Variants in TMCC1 observed in about 807,000 individuals in gnomAD.
The protein encoded by TMCC1 is transmembrane and coiled-coil domain family 1, also known as transmembrane and coiled-coil domains protein 1.
A neutral mutation model predicts 52.4 loss-of-function variants in TMCC1; 15 were observed. That is an observed-to-expected ratio of 0.29 (90% confidence interval 0.19 to 0.44). TMCC1 has a LOEUF of 0.44. TMCC1 is among the 20% of genes least tolerant of loss of function. The pLI is 1.00. For synonymous variants in TMCC1, 279 were observed against 301.9 expected (o/e 0.92, Z 0.79); for missense variants, 503 against 806.0 (o/e 0.62, Z 4.55).
chr3:129,721,951 C>T (rs1400537209), intron 4 of TMCC1, among the ~76,000 whole-genome samples: 1 of 152,176 alleles, frequency 6.6e-6, no homozygotes, highest in Non-Finnish European at 1.5e-5. Flanking sequence ...CTATCTATAG[C>T]AGTTTTATGT....
At chr3:129,701,441 T>C (rs574469125) in intron 4 of TMCC1, among the ~76,000 whole-genome samples, 1 of 152,318 alleles carries the variant, frequency 6.6e-6, no homozygotes, top group East Asian at 1.9e-4. Flanking sequence ...CAGCTCTCTT[T>C]ATGTAAAAGC....
chr3:129,786,888 T>C (rs1188725082), intron 4 of TMCC1, among the ~76,000 whole-genome samples: 1 of 152,228 alleles, frequency 6.6e-6, no homozygotes, highest in Non-Finnish European at 1.5e-5. Context: ...TCAAGTGAGC[T>C]TATGATTAAC....
chr3:129,653,407 AC>A (rs2108842150), intron 6 of TMCC1, among the ~76,000 whole-genome samples: 1 of 152,334 alleles, frequency 6.6e-6, no homozygotes, highest in South Asian at 2.1e-4. Flanking sequence ...TAAAGAGGAC[AC>A]TATGCCCACA....
intron 2 of TMCC1, among the ~76,000 whole-genome samples, chr3:129,877,917 T>C (rs2061295991): frequency 1.3e-5 from 2 of 151,662 alleles, no homozygotes; most frequent in Admixed American, 6.6e-5. Context: ...ATTACAGGCG[T>C]GAGCCACCGT....
rs10656814 is a variant in TMCC1, at chr3:129,785,560, T to TACAC, written c.576+42239_576+42242dup. Among the ~76,000 whole-genome samples, 692 of 146,162 alleles carry TACAC rather than the reference T, an allele frequency of 4.7e-3. 7 individuals carry two copies. The East Asian group carries it at 0.049, about 10-fold the overall frequency. The stretch of plus-strand genomic sequence containing the variant: ...CTAGTTTCCTAAGTCTCAATATACA[T>TACAC]ACACACACACACACACACACACACA... On this transcript the variant is annotated intron_variant, in intron 4 of 6. Coordinates refer to ENST00000393238, the MANE Select transcript of TMCC1 (RefSeq NM_001017395.5).
intron 4 of TMCC1, among the ~76,000 whole-genome samples, chr3:129,759,710 C>CTTTTTTTTTTTTTTTTTT (rs61519484): frequency 2.7e-5 from 1 of 37,222 alleles, no homozygotes; most frequent in African/African-American, 1.1e-4. Context: ...GCCAGCCAAA[C>CTTTTTTTTTTTTTTTTTT]TTTTTTTTTT....
At chr3:129,761,800 C>T (rs1231779178) in intron 4 of TMCC1, among the ~76,000 whole-genome samples, 4 of 151,884 alleles carry the variant, frequency 2.6e-5, no homozygotes, top group East Asian at 3.9e-4. Flanking sequence ...AGAGCAGCCT[C>T]GCCAACGTGG....
intron 4 of TMCC1, among the ~76,000 whole-genome samples, chr3:129,821,693 C>T (rs1479229600): frequency 6.6e-6 from 1 of 152,126 alleles, no homozygotes; most frequent in African/African-American, 2.4e-5. Flanking sequence ...ATTATGGGCC[C>T]TGTTTTCCAT....
At chr3:129,766,518 A>G (rs147771613) in intron 4 of TMCC1, among the ~76,000 whole-genome samples, 178 of 152,346 alleles carry the variant, frequency 1.2e-3, no homozygotes, top group African/African-American at 3.7e-3. Flanking sequence ...TGCCTAGCAC[A>G]TGATAAGCAA....
At chr3:129,731,004 T>C (rs1040939115) in intron 4 of TMCC1, among the ~76,000 whole-genome samples, 21 of 152,248 alleles carry the variant, frequency 1.4e-4, no homozygotes, top group African/African-American at 5.1e-4. Context: ...ACTCATTTTA[T>C]GAAGCCAGCA....
intron 4 of TMCC1, among the ~76,000 whole-genome samples, chr3:129,739,169 C>T (rs1260845529): frequency 1.3e-5 from 2 of 152,044 alleles, no homozygotes; most frequent in Non-Finnish European, 2.9e-5. Flanking sequence ...ATATCCTTCA[C>T]AGATGATTCT....
At chr3:129,863,275 A>AT (rs1397817881) in intron 2 of TMCC1, among the ~76,000 whole-genome samples, 2 of 152,188 alleles carry the variant, frequency 1.3e-5, no homozygotes, top group African/African-American at 4.8e-5. Flanking sequence ...TAAATAATGA[A>AT]TTTTTTAAGT....
chr3:129,813,661 G>C (rs1000273648), intron 4 of TMCC1, among the ~76,000 whole-genome samples: 2 of 152,086 alleles, frequency 1.3e-5, no homozygotes, highest in Non-Finnish European at 2.9e-5. Context: ...AGAGTGGGAG[G>C]AGGGTGAGGA....
chr3:129,675,146 TTC>T (rs1366672865), intron 4 of TMCC1, among the ~76,000 whole-genome samples: 5 of 152,218 alleles, frequency 3.3e-5, no homozygotes, highest in Admixed American at 2.0e-4. Flanking sequence ...AAAATTAGGT[TTC>T]TAACTCACTC....
chr3:129,732,487 T>C (rs549637962), intron 4 of TMCC1, among the ~76,000 whole-genome samples: 6 of 152,196 alleles, frequency 3.9e-5, no homozygotes, highest in Non-Finnish European at 8.8e-5. Context: ...GCAGACTGCA[T>C]GAATAAGCTC....
At chr3:129,865,223 G>A (rs911479962) in intron 2 of TMCC1, among the ~76,000 whole-genome samples, 2 of 151,930 alleles carry the variant, frequency 1.3e-5, no homozygotes, top group South Asian at 4.2e-4. Context: ...GGTGCAAGGC[G>A]CAATCCGGGC....
Position 129,670,926 on chromosome 3 carries a change from C to T in TMCC1, c.915G>A (p.Lys305=). 6.2e-7 allele frequency: 1 copy of T among 1,614,216 alleles called. No homozygotes were observed. Among genetic ancestry groups the T allele is most frequent in the Non-Finnish European group, 8.5e-7 (1 of 1,180,034 alleles). ...LQKKLEHYHR[K]LREVEQNGIP... is the part of the protein sequence containing the mutation. The stretch of plus-strand genomic sequence containing the variant: ...TCCCATTCTGCTCTACCTCTCTGAG[C>T]TTCCTGTGGTAGTGCTCAAGTTTCT... Residue 305 remains lysine, a synonymous_variant, in exon 5 of 7, where the codon AAG becomes AAA. Coordinates refer to ENST00000393238, the MANE Select transcript of TMCC1 (RefSeq NM_001017395.5).
At position 129,805,413 on chromosome 3, in the gene TMCC1, T is replaced by C. The variant is rs560494375; in HGVS notation, c.576+22390A>G. 7.2e-5 allele frequency among the ~76,000 whole-genome samples: 11 copies of C among 152,264 alleles called. 1 individual carries two copies. The highest frequency in any genetic ancestry group is 2.6e-4 in the African/African-American group (11 of 41,566). The stretch of plus-strand genomic sequence containing the variant: ...CCTGGGCTCAAATAATCTGCCTACC[T>C]TGGCCTCCTAAAGTGCCGGGATTAC... On this transcript the variant is annotated intron_variant, in intron 4 of 6. Transcript: ENST00000393238.
chr3:129,886,952 A>G (rs1443407906), intron 1 of TMCC1, among the ~76,000 whole-genome samples: 1 of 152,024 alleles, frequency 6.6e-6, no homozygotes, highest in Non-Finnish European at 1.5e-5. Context: ...AAATAAAATA[A>G]ACAAAAAAAA....
Sources: gnomAD v4.1 joint callset for allele counts (sites outside exome capture counted in the v4.1 genomes callset) on GRCh38, gnomAD v4.1.1 for gene constraint, MANE v1.5 for transcripts, NCBI Gene and HGNC (gene_info 2026-07-23, HGNC 2026-07-21) for gene names.